Variants in SORCS3 observed in about 807,000 individuals in gnomAD.
SORCS3 encodes the protein VPS10 domain-containing receptor SorCS3.
Under a neutral mutation model 146.3 loss-of-function variants are expected in SORCS3, and 57 were observed. The ratio of observed to expected loss-of-function variants is 0.39; its 90% CI spans 0.31 to 0.49. The LOEUF is 0.49. Among genes scored for constraint, SORCS3 ranks in the 20% least tolerant of loss-of-function variants. The pLI, the probability that SORCS3 is intolerant of heterozygous loss-of-function variation, is 0.92. For synonymous variants in SORCS3, 653 were observed against 618.5 expected (o/e 1.06, Z -0.83); for missense variants, 1,341 against 1,575.5 (o/e 0.85, Z 2.52).
At chr10:104,974,597 G>A (rs576202486) in intron 3 of SORCS3, among the ~76,000 whole-genome samples, 15 of 152,164 alleles carry the variant, frequency 9.9e-5, no homozygotes, top group South Asian at 4.2e-4. Flanking sequence ...GTCTCTACAC[G>A]TGAGATGGGT....
At chr10:104,756,935 C>T (rs1254687836) in intron 1 of SORCS3, among the ~76,000 whole-genome samples, 1 of 152,146 alleles carries the variant, frequency 6.6e-6, no homozygotes, top group Non-Finnish European at 1.5e-5. Flanking sequence ...GCTTTCAGGA[C>T]CACTGGAGAT....
intron 3 of SORCS3, among the ~76,000 whole-genome samples, chr10:104,965,063 AATAAT>A (rs2054818745): frequency 1.3e-5 from 2 of 152,306 alleles, no homozygotes; most frequent in Admixed American, 6.5e-5. Context: ...CCTAAGGCGG[AATAAT>A]ATTCCATTGT....
intron 1 of SORCS3, among the ~76,000 whole-genome samples, chr10:104,754,147 G>A (rs1166670959): frequency 6.6e-6 from 1 of 152,162 alleles, no homozygotes; most frequent in African/African-American, 2.4e-5. Flanking sequence ...TCAAGGTTAA[G>A]CAGCTTACCC....
At chr10:104,976,393 T>G (rs1451491570) in intron 3 of SORCS3, among the ~76,000 whole-genome samples, 3 of 152,248 alleles carry the variant, frequency 2.0e-5, no homozygotes, top group African/African-American at 7.2e-5. Context: ...ATGGCAATCA[T>G]TAAAAAGTCA....
At chr10:104,853,668 A>G (rs2018298181) in intron 2 of SORCS3, among the ~76,000 whole-genome samples, 1 of 152,144 alleles carries the variant, frequency 6.6e-6, no homozygotes, top group Non-Finnish European at 1.5e-5. Context: ...AGTAGGTAAG[A>G]GTTTCCTGGC....
rs112738268 is a variant in SORCS3, at chr10:104,858,206, C to A, written c.695+15347C>A. 7.2e-4 allele frequency among the ~76,000 whole-genome samples: 110 copies of A among 152,048 alleles called. 1 individual carries two copies. The highest frequency in any genetic ancestry group is 1.2e-3 in the Non-Finnish European group (79 of 67,978). The stretch of plus-strand genomic sequence containing the variant: ...AACAAAGAGTACTGTTAAAATATAC[C>A]AATCATCTAAATTCCATTCAAAATC... On this transcript the variant is annotated intron_variant, in intron 2 of 26. Transcript: ENST00000369701.
Position 105,120,897 on chromosome 10 carries a change from C to T in SORCS3, c.1212+15382C>T, listed in dbSNP as rs563941065. ...GTAGAAAAGCTTCTATTACTATTAG[C>T]GTCTCCATGGGCATGAGAAGTAAGG... is the stretch of plus-strand genomic sequence containing the variant. On this transcript the variant is annotated intron_variant, in intron 7 of 26. Coordinates refer to ENST00000369701, the MANE Select transcript of SORCS3 (RefSeq NM_014978.3). Among the ~76,000 whole-genome samples the T allele has an allele frequency of 3.3e-5, 5 of 152,246 alleles. No homozygotes were observed. The South Asian group carries it at 1.0e-3, about 32-fold the overall frequency.
intron 1 of SORCS3, among the ~76,000 whole-genome samples, chr10:104,738,285 T>C (rs1367367909): frequency 6.6e-6 from 1 of 152,336 alleles, no homozygotes; most frequent in East Asian, 1.9e-4. Context: ...GTAATTTTTT[T>C]CCCTTTCTTA....
chr10:104,999,218 T>C (rs1023131544), intron 4 of SORCS3, among the ~76,000 whole-genome samples: 14 of 152,224 alleles, frequency 9.2e-5, no homozygotes, highest in African/African-American at 3.1e-4. Context: ...TTTAGTCATT[T>C]TTGCTGCTGT....
rs369848436 is a variant in SORCS3 at position 104,968,778 on chromosome 10, T to C, written c.796-8557T>C. On this transcript the variant is annotated intron_variant, in intron 3 of 26. Coordinates refer to ENST00000369701, the MANE Select transcript of SORCS3 (RefSeq NM_014978.3). ...AAGCTTGTGAATGTCTTTGTTTTTG[T>C]AGAAACATGCTATCACAGCTTTAGC... Among the ~76,000 whole-genome samples, 4 of 152,260 alleles carry C rather than the reference T, an allele frequency of 2.6e-5. No individual in the cohort carries two copies. The East Asian group carries it at 5.8e-4, about 22-fold the overall frequency.
intron 5 of SORCS3, among the ~76,000 whole-genome samples, chr10:105,081,604 G>A (rs2133734260): frequency 6.6e-6 from 1 of 152,250 alleles, no homozygotes; most frequent in East Asian, 1.9e-4. Flanking sequence ...TTGCACAAAG[G>A]GTTAAGTTGC....
intron 6 of SORCS3, among the ~76,000 whole-genome samples, chr10:105,092,608 A>AACAC (rs61665816): frequency 0.037 from 5,501 of 147,312 alleles, 214 homozygotes; most frequent in African/African-American, 0.095. Flanking sequence ...TGCATTCACA[A>AACAC]ACACACACAC....
At chr10:105,016,751 G>C (rs888853568) in intron 4 of SORCS3, among the ~76,000 whole-genome samples, 1 of 152,062 alleles carries the variant, frequency 6.6e-6, no homozygotes, top group African/African-American at 2.4e-5. Context: ...TATTATTTCT[G>C]TCCGCCACTT....
chr10:105,058,408 A>G (rs1180834521), intron 5 of SORCS3, among the ~76,000 whole-genome samples: 2 of 152,222 alleles, frequency 1.3e-5, no homozygotes, highest in Non-Finnish European at 2.9e-5. Context: ...GTGTCATGGA[A>G]GGATGTGACA....
intron 4 of SORCS3, among the ~76,000 whole-genome samples, chr10:104,989,545 G>A (rs1231046971): frequency 6.6e-6 from 1 of 152,156 alleles, no homozygotes; most frequent in Non-Finnish European, 1.5e-5. Context: ...AATCAAGGGA[G>A]GAAGTAGTAG....
intron 1 of SORCS3, among the ~76,000 whole-genome samples, chr10:104,784,726 C>T (rs948765856): frequency 7.9e-5 from 12 of 152,200 alleles, no homozygotes; most frequent in African/African-American, 2.9e-4. Context: ...TGTTCTTGTC[C>T]TCCCTTCCTG....
intron 6 of SORCS3, among the ~76,000 whole-genome samples, chr10:105,096,602 T>C (rs1183050): frequency 0.16 from 24,118 of 152,120 alleles, 2,122 homozygotes; most frequent in Middle Eastern, 0.2. Context: ...GGAAGGGTTG[T>C]GCAACTGCTG....
intron 4 of SORCS3, among the ~76,000 whole-genome samples, chr10:105,002,815 G>A (rs940149638): frequency 5.3e-5 from 8 of 152,320 alleles, no homozygotes; most frequent in Non-Finnish European, 7.4e-5. Context: ...ACTTGAGTAC[G>A]TTCCTTAGTA....
rs187751134 is a variant in SORCS3, at chr10:104,894,332, C to T, written c.696-21501C>T. ...GCAATTGCTGAGATTCAACTGTGTG[C>T]AACACCCTGGATTGGAATGAGCAGT... On this transcript the variant is annotated intron_variant, in intron 2 of 26. Coordinates refer to ENST00000369701, the MANE Select transcript of SORCS3 (RefSeq NM_014978.3). Among the ~76,000 whole-genome samples the T allele has an allele frequency of 1.5e-3, 235 of 152,312 alleles. 2 individuals carry two copies. The highest frequency in any genetic ancestry group is 5.5e-3 in the African/African-American group (227 of 41,562).
Sources: allele counts gnomAD v4.1 joint callset (sites outside exome capture counted in the v4.1 genomes callset), GRCh38; gene constraint gnomAD v4.1.1; transcripts MANE v1.5; gene names NCBI Gene and HGNC (gene_info 2026-07-23, HGNC 2026-07-21).